The following KRT86 variants were observed in gnomAD, a reference collection of about 807,000 sequenced individuals.
The protein encoded by KRT86 is keratin 86, also known as keratin, type II cuticular Hb6.
Under a neutral mutation model 41.2 loss-of-function variants are expected in KRT86, and 30 were observed. The ratio of observed to expected loss-of-function variants is 0.73; its 90% CI spans 0.54 to 0.99. The LOEUF is 0.99. Ranked by LOEUF, KRT86 falls within the 50% of genes least tolerant of loss-of-function variation. The pLI, the probability that KRT86 is intolerant of heterozygous loss-of-function variation, is 0.00. For missense variants in KRT86, 561 were observed against 571.4 expected, an observed-to-expected ratio of 0.98 and a Z score of 0.19; for synonymous variants, 238 against 238.1, an observed-to-expected ratio of 1.00 and a Z score of 0.00.
intron 2 of KRT86, among the ~76,000 whole-genome samples, chr12:52,284,835 G>A (rs1409353366): frequency 1.3e-5 from 2 of 152,142 alleles, no homozygotes; most frequent in Admixed American, 1.3e-4. Flanking sequence ...GGGCTGAGCT[G>A]TCATCTTCCC....
chr12:52,281,967 T>C (rs1937782448), intron 2 of KRT86, among the ~76,000 whole-genome samples: 2 of 151,944 alleles, frequency 1.3e-5, no homozygotes, highest in African/African-American at 4.8e-5. Context: ...TCTCAAACTC[T>C]TGGCCTCAAG....
At chr12:52,279,611 T>G (rs1937726478) in intron 2 of KRT86, among the ~76,000 whole-genome samples, 1 of 152,078 alleles carries the variant, frequency 6.6e-6, no homozygotes, top group African/African-American at 2.4e-5. Context: ...CTGGCTGCGG[T>G]GGAGGGGTCA....
intron 2 of KRT86, among the ~76,000 whole-genome samples, chr12:52,277,377 C>G (rs1177609435): frequency 6.6e-6 from 1 of 152,214 alleles, no homozygotes; most frequent in Non-Finnish European, 1.5e-5. Flanking sequence ...GGTGTGCTCA[C>G]TCCTTGCAAC....
At chr12:52,291,455 C>A (rs757588620) in intron 2 of KRT86, 1 of 1,612,962 alleles carries the variant, frequency 6.2e-7, no homozygotes, top group African/African-American at 1.3e-5. Flanking sequence ...AAATCCTGAT[C>A]CGCAGGTCAT....
intron 2 of KRT86, among the ~76,000 whole-genome samples, chr12:52,300,570 C>A (rs1565746895): frequency 6.6e-6 from 1 of 152,196 alleles, no homozygotes; most frequent in Non-Finnish European, 1.5e-5. Context: ...CAGGGCAGAG[C>A]CTTGGTTCCT....
At chr12:52,289,345 C>T in intron 2 of KRT86, 1 of 201,300 alleles carries the variant, frequency 5.0e-6, no homozygotes, top group Non-Finnish European at 9.0e-6. Flanking sequence ...ACCATCACAT[C>T]ACACTTCATC....
intron 2 of KRT86, chr12:52,288,517 T>C (rs958053872): frequency 2.5e-6 from 4 of 1,582,850 alleles, no homozygotes; most frequent in Non-Finnish European, 3.5e-6. Context: ...CAGACTCCTC[T>C]CTCTGCCCAT....
intron 9 of KRT86, 45 bp from the exon 10 acceptor site, chr12:52,308,188 G>C: frequency 6.2e-7 from 1 of 1,613,798 alleles, no homozygotes; most frequent in Non-Finnish European, 8.5e-7. Flanking sequence ...ACGGGGGCCC[G>C]GCGCCTTTTC....
chr12:52,297,971 C>T (rs1202268342), intron 2 of KRT86, among the ~76,000 whole-genome samples: 2 of 152,166 alleles, frequency 1.3e-5, no homozygotes, highest in Admixed American at 6.5e-5. Flanking sequence ...TAGGATCAGG[C>T]AAAAATAAAG....
intron 2 of KRT86, among the ~76,000 whole-genome samples, chr12:52,300,609 A>G (rs1445472088): frequency 1.3e-5 from 2 of 152,228 alleles, no homozygotes; most frequent in African/African-American, 2.4e-5. Context: ...TAAGACCCAC[A>G]CTATTCACAC....
At position 52,301,927 on chromosome 12, in the gene KRT86, G is replaced by A. The variant is rs1425092701; in HGVS notation, c.11G>A (p.Gly4Glu). The A allele has an allele frequency of 2.5e-6, 4 of 1,613,832 alleles. No individual in the cohort carries two copies. The highest frequency in any genetic ancestry group is 2.5e-6 in the Non-Finnish European group (3 of 1,179,770). The change falls in exon 3 of 11, where the codon GGA becomes GAA. Residue 4 changes from glycine to glutamate, a missense_variant. By Grantham distance (98) the Gly-to-Glu change is moderately conservative (BLOSUM62 -2). Coordinates refer to ENST00000423955, the MANE Select transcript of KRT86 (RefSeq NM_001320198.2). ...TCCCCAAAAAGCACCATGACTTGTG[G>A]ATCTTACTGTGGTGGCCGCGCCTTC... MTC[G>E]SYCGGRAFSC...
rs531761412 is a variant in KRT86, at chr12:52,285,229, T to C, written c.-5+9283T>C. Among the ~76,000 whole-genome samples, 4 of 152,330 alleles carry C rather than the reference T, an allele frequency of 2.6e-5. No homozygotes were observed. The South Asian group carries it at 8.3e-4, about 32-fold the overall frequency. ...CACCTAGGAAGGACCAGGGCCCAGC[T>C]TGGGGCCCAGGCAGTCTGGCTGGAG... On this transcript the variant is annotated intron_variant, in intron 2 of 10. Coordinates refer to ENST00000423955, the MANE Select transcript of KRT86 (RefSeq NM_001320198.2).
Position 52,308,707 on chromosome 12 carries a change from A to C in KRT86, c.*122A>C. The C allele has an allele frequency of 2.1e-6, 2 of 968,894 alleles. No homozygotes were observed. Among genetic ancestry groups the C allele is most frequent in the South Asian group, 1.5e-5 (1 of 66,686 alleles). 60.0% of individuals were successfully genotyped at this position (968,894 alleles called of 1,614,324 possible). A position where few individuals can be genotyped will look rare whatever the true frequency, so the allele number is the denominator to read the frequency against. On this transcript the variant is annotated 3_prime_UTR_variant, in exon 11 of 11. Coordinates refer to ENST00000423955, the MANE Select transcript of KRT86 (RefSeq NM_001320198.2). ...GCCGCCGCCCGCTGCCTGCACTCTAAGCGCCCTCCCCACCGCTCCGCTCCG... is the reference window on the plus strand; with the variant it reads ...GCCGCCGCCCGCTGCCTGCACTCTACGCGCCCTCCCCACCGCTCCGCTCCG...
At chr12:52,294,807 T>A (rs1033396983) in intron 2 of KRT86, among the ~76,000 whole-genome samples, 140 of 152,362 alleles carry the variant, frequency 9.2e-4, no homozygotes, top group African/African-American at 3.3e-3. Flanking sequence ...TCTTACAGTT[T>A]TAGAACCAAT....
chr12:52,301,998 A>G lies in KRT86; in HGVS notation c.82A>G (p.Thr28Ala). 6.2e-7 allele frequency: 1 copy of G among 1,612,212 alleles called. No individual in the cohort carries two copies. The highest frequency in any genetic ancestry group is 2.2e-5 in the East Asian group (1 of 44,814). The part of the protein sequence containing the change: ...CGPRPGRCCI[T>A]AAPYRGISCY... ...GCCCCGGCCCGGCCGCTGCTGCATCACCGCCGCCCCCTACCGTGGCATCTC... is the reference window on the plus strand; with the variant it reads ...GCCCCGGCCCGGCCGCTGCTGCATCGCCGCCGCCCCCTACCGTGGCATCTC... The change falls in exon 3 of 11, where the codon ACC becomes GCC. Residue 28 changes from threonine to alanine, a missense_variant. Coordinates refer to ENST00000423955, the MANE Select transcript of KRT86 (RefSeq NM_001320198.2).
intron 2 of KRT86, among the ~76,000 whole-genome samples, chr12:52,281,555 C>T (rs140416316): frequency 2.0e-5 from 3 of 152,244 alleles, no homozygotes; most frequent in Admixed American, 6.5e-5. Flanking sequence ...AAATGCAGTC[C>T]TTCCTGCTGT....
At chr12:52,300,550 C>G (rs1938348710) in intron 2 of KRT86, among the ~76,000 whole-genome samples, 1 of 152,166 alleles carries the variant, frequency 6.6e-6, no homozygotes, top group African/African-American at 2.4e-5. Context: ...CTAGATCACA[C>G]AGGGGTACTC....
chr12:52,305,719 G>A lies in KRT86; in HGVS notation c.957G>A (p.Lys319=). ...IRHGETLRRT[K]EEINELNRMI... ...ACGGGGAGACCCTGCGCCGCACCAAGGAGGAGATCAACGAGCTGAACCGCA... is the reference window on the plus strand; with the variant it reads ...ACGGGGAGACCCTGCGCCGCACCAAAGAGGAGATCAACGAGCTGAACCGCA... The change falls in exon 8 of 11, where the codon AAG becomes AAA. Residue 319 remains lysine, a synonymous_variant. Transcript: ENST00000423955. 1 of 1,614,096 alleles carries A rather than the reference G, an allele frequency of 6.2e-7. No homozygotes were observed. Among genetic ancestry groups the A allele is most frequent in the East Asian group, 2.2e-5 (1 of 44,884 alleles).
At chr12:52,308,120 C>T in intron 9 of KRT86, 113 bp from the exon 10 acceptor site, 2 of 1,432,616 alleles carry the variant, frequency 1.4e-6, no homozygotes, top group Non-Finnish European at 9.7e-7. Flanking sequence ...ATTTCTTGCC[C>T]CTTCCCTTGG....
Sources: gnomAD v4.1 joint callset for allele counts (sites outside exome capture counted in the v4.1 genomes callset) on GRCh38, gnomAD v4.1.1 for gene constraint, MANE v1.5 for transcripts, NCBI Gene and HGNC (gene_info 2026-07-23, HGNC 2026-07-21) for gene names.